The following LOC400499 variants were observed in gnomAD, a reference collection of about 807,000 sequenced individuals.
the LOC400499 span, among the ~76,000 whole-genome samples, chr16:11,465,821 G>T: frequency 1.4e-5 from 2 of 146,064 alleles, no homozygotes; most frequent in Admixed American, 7.0e-5. Flanking sequence ...TAGAAGACAT[G>T]GGGGAAAGTG....
At chr16:11,469,247 C>A in the LOC400499 span, 1 of 399,328 alleles carries the variant, frequency 2.5e-6, no homozygotes, top group East Asian at 3.6e-5. Flanking sequence ...CAAGAGCCTC[C>A]ATCTTTCCTG....
the LOC400499 span, among the ~76,000 whole-genome samples, chr16:11,481,254 A>G: frequency 0.25 from 37,629 of 152,084 alleles, 4,944 homozygotes; most frequent in African/African-American, 0.33. Context: ...TGGGGGTGAT[A>G]AAAATGTTCT....
the LOC400499 span, among the ~76,000 whole-genome samples, chr16:11,482,026 T>G: frequency 1.3e-5 from 2 of 152,082 alleles, no homozygotes; most frequent in African/African-American, 4.8e-5. Context: ...TTATATAAAG[T>G]TTACAAAAGG....
the LOC400499 span, chr16:11,398,326 C>G: frequency 8.1e-7 from 1 of 1,232,278 alleles, no homozygotes; most frequent in Non-Finnish European, 1.0e-6. Flanking sequence ...TCCAGCTGCC[C>G]CCTTCTGCAG....
At chr16:11,377,465 C>T in the LOC400499 span, among the ~76,000 whole-genome samples, 2 of 152,126 alleles carry the variant, frequency 1.3e-5, no homozygotes, top group African/African-American at 4.8e-5. Flanking sequence ...TTCATATGAC[C>T]TTTATTATGT....
the LOC400499 span, chr16:11,523,481 C>T: frequency 2.0e-5 from 8 of 398,676 alleles, no homozygotes; most frequent in South Asian, 1.3e-4. Flanking sequence ...TTTCTGAAAT[C>T]GCAAATCAGA....
At chr16:11,412,545 C>T in the LOC400499 span, among the ~76,000 whole-genome samples, 1 of 152,230 alleles carries the variant, frequency 6.6e-6, no homozygotes, top group East Asian at 1.9e-4. Context: ...CACCAAGCGC[C>T]TCACCAGGCC....
chr16:11,441,403 G>A, the LOC400499 span, among the ~76,000 whole-genome samples: 2 of 152,172 alleles, frequency 1.3e-5, no homozygotes, highest in African/African-American at 4.8e-5. Context: ...GCATGTAGTA[G>A]GTGCTCAATA....
At chr16:11,497,060 G>C in the LOC400499 span, among the ~76,000 whole-genome samples, 1 of 151,634 alleles carries the variant, frequency 6.6e-6, no homozygotes, top group African/African-American at 2.4e-5. Flanking sequence ...GATCCAGCAT[G>C]TGTGTGCATA....
the LOC400499 span, among the ~76,000 whole-genome samples, chr16:11,495,106 G>A: frequency 1.3e-5 from 2 of 152,002 alleles, no homozygotes; most frequent in African/African-American, 2.4e-5. Flanking sequence ...CTACTCGGGA[G>A]GCTAAGGCAC....
the LOC400499 span, among the ~76,000 whole-genome samples, chr16:11,431,687 T>G: frequency 2.9e-3 from 449 of 152,288 alleles, 5 homozygotes; most frequent in African/African-American, 0.01. Context: ...ATTACAGGCA[T>G]GAGCTGCTGT....
At chr16:11,457,175 G>T in the LOC400499 span, 1 of 803,196 alleles carries the variant, frequency 1.2e-6, no homozygotes, top group Non-Finnish European at 1.9e-6. Context: ...GTGGAACGCA[G>T]TCCAAAAAAA....
At chr16:11,510,498 C>G in the LOC400499 span, among the ~76,000 whole-genome samples, 2 of 151,696 alleles carry the variant, frequency 1.3e-5, no homozygotes, top group African/African-American at 4.9e-5. Flanking sequence ...TCTTGGCGCC[C>G]CTGTCTAAGT....
the LOC400499 span, among the ~76,000 whole-genome samples, chr16:11,410,896 G>A: frequency 2.0e-5 from 3 of 152,234 alleles, no homozygotes; most frequent in Non-Finnish European, 4.4e-5. Context: ...AGAGATGGGG[G>A]TGACGCTGGC....
chr16:11,402,387 T>A, the LOC400499 span: 1 of 376,640 alleles, frequency 2.7e-6, no homozygotes, highest in African/African-American at 2.1e-5. Context: ...CCCGTTACAA[T>A]GAGACTCTGA....
the LOC400499 span, among the ~76,000 whole-genome samples, chr16:11,395,008 G>C: frequency 6.6e-6 from 1 of 152,214 alleles, no homozygotes; most frequent in Admixed American, 6.5e-5. Context: ...CGATCTCTGA[G>C]GAGATCCAAG....
chr16:11,393,488 G>C, the LOC400499 span: 1 of 1,232,204 alleles, frequency 8.1e-7, no homozygotes, highest in Non-Finnish European at 1.0e-6. Flanking sequence ...CCTCCAACCG[G>C]ACCAGGCTTT....
chr16:11,448,169 G>A, the LOC400499 span: 3 of 1,392,626 alleles, frequency 2.2e-6, no homozygotes, highest in African/African-American at 1.4e-5. Context: ...CCCACAACCT[G>A]CCCATCACCC....
the LOC400499 span, chr16:11,446,419 C>T: frequency 5.2e-5 from 42 of 803,292 alleles, no homozygotes; most frequent in African/African-American, 4.2e-4. Flanking sequence ...CAGCCTCCTG[C>T]GTAGCTAAGA....
Sources: gnomAD v4.1 joint callset for allele counts (sites outside exome capture counted in the v4.1 genomes callset) on GRCh38, gnomAD v4.1.1 for gene constraint, MANE v1.5 for transcripts.